Variants in ZFPM2 observed in about 807,000 individuals in gnomAD.
ZFPM2 encodes zinc finger protein ZFPM2.
A neutral mutation model predicts 98.6 loss-of-function variants in ZFPM2; 20 were observed. The ratio of observed to expected loss-of-function variants is 0.20; its 90% CI spans 0.14 to 0.29. The LOEUF is 0.29. Ranked by LOEUF, ZFPM2 falls within the 10% of genes least tolerant of loss-of-function variation. The pLI is 1.00. For missense variants in ZFPM2, 1,310 were observed against 1,388.6 expected (o/e 0.94, Z 0.90); for synonymous variants, 518 against 502.7 (o/e 1.03, Z -0.41).
intron 3 of ZFPM2, among the ~76,000 whole-genome samples, chr8:105,517,637 G>A (rs1813956131): frequency 6.7e-6 from 1 of 150,342 alleles, no homozygotes; most frequent in African/African-American, 2.5e-5. Context: ...ATCACTTCAG[G>A]GCAGGAGTTT....
chr8:105,330,583 T>TATATATATAC (rs1563606678), intron 1 of ZFPM2, among the ~76,000 whole-genome samples: 496 of 42,114 alleles, frequency 0.012, 3 homozygotes, highest in Non-Finnish European at 0.017. Context: ...TATATATACA[T>TATATATATAC]ATATATATAT....
intron 3 of ZFPM2, among the ~76,000 whole-genome samples, chr8:105,474,402 C>T (rs1812972860): frequency 1.3e-5 from 2 of 152,314 alleles, no homozygotes; most frequent in South Asian, 4.1e-4. Context: ...AGTGAATCCA[C>T]TGTGATTTAA....
intron 5 of ZFPM2, among the ~76,000 whole-genome samples, chr8:105,762,816 A>G (rs1812762319): frequency 6.6e-6 from 1 of 151,916 alleles, no homozygotes; most frequent in Non-Finnish European, 1.5e-5. Flanking sequence ...TACTGATAAC[A>G]CATGATATAA....
chr8:105,630,477 T>C (rs1816736980), intron 4 of ZFPM2, among the ~76,000 whole-genome samples: 1 of 152,224 alleles, frequency 6.6e-6, no homozygotes, highest in African/African-American at 2.4e-5. Flanking sequence ...TTATTTACTT[T>C]ACAGCTTGGG....
intron 5 of ZFPM2, among the ~76,000 whole-genome samples, chr8:105,656,984 CTCTT>C (rs1817298403): frequency 6.6e-6 from 1 of 152,126 alleles, no homozygotes; most frequent in Non-Finnish European, 1.5e-5. Flanking sequence ...TCTCTCTTCT[CTCTT>C]TCCCTTTTTT....
In ZFPM2 at chr8:105,791,879, G is replaced by C. The variant is rs556972458; in HGVS notation, c.739+2955G>C. Among the ~76,000 whole-genome samples the C allele has an allele frequency of 2.6e-5, 4 of 152,326 alleles. No homozygotes were observed. In the South Asian group the frequency reaches 8.3e-4, roughly 32 times the overall value. ...CTAGATTTTCTAGTTTATTTGCATA[G>C]AGGTGTTTGTAGTATTCTCTGATGG... On this transcript the variant is annotated intron_variant, in intron 6 of 7. Coordinates refer to ENST00000407775, the MANE Select transcript of ZFPM2 (RefSeq NM_012082.4).
intron 4 of ZFPM2, among the ~76,000 whole-genome samples, chr8:105,605,435 CAAATT>C (rs1180202153): frequency 6.6e-6 from 1 of 151,942 alleles, no homozygotes; most frequent in African/African-American, 2.4e-5. Context: ...TTGCTGTCAG[CAAATT>C]AAATTAGCAA....
At chr8:105,620,062 G>A (rs1275950304) in intron 4 of ZFPM2, among the ~76,000 whole-genome samples, 5 of 152,132 alleles carry the variant, frequency 3.3e-5, no homozygotes, top group African/African-American at 1.2e-4. Flanking sequence ...TGGGATGGCT[G>A]GGTCAAATGA....
chr8:105,762,580 A>G (rs1812756275), intron 5 of ZFPM2, among the ~76,000 whole-genome samples: 5 of 152,012 alleles, frequency 3.3e-5, no homozygotes, highest in South Asian at 4.1e-4. Flanking sequence ...AGAGACCAGT[A>G]TGTGCATCAA....
chr8:105,416,902 A>C (rs1811690284), intron 1 of ZFPM2, among the ~76,000 whole-genome samples: 1 of 152,128 alleles, frequency 6.6e-6, no homozygotes, highest in Non-Finnish European at 1.5e-5. Flanking sequence ...TGAATTGACC[A>C]TTTTCTAAGT....
intron 3 of ZFPM2, among the ~76,000 whole-genome samples, chr8:105,452,481 C>T (rs1812504123): frequency 6.6e-6 from 1 of 151,690 alleles, no homozygotes; most frequent in African/African-American, 2.4e-5. Flanking sequence ...GGCATGGTGT[C>T]TCATGCCTGT....
intron 3 of ZFPM2, among the ~76,000 whole-genome samples, chr8:105,507,251 G>T (rs1813723095): frequency 6.6e-6 from 1 of 152,196 alleles, no homozygotes; most frequent in South Asian, 2.1e-4. Context: ...TCTCAATGCT[G>T]CAGACCACAC....
intron 5 of ZFPM2, among the ~76,000 whole-genome samples, chr8:105,681,667 C>T (rs1194478137): frequency 6.6e-6 from 1 of 152,102 alleles, no homozygotes; most frequent in Non-Finnish European, 1.5e-5. Context: ...ATTCATGGTA[C>T]ACCAGGCATT....
intron 5 of ZFPM2, among the ~76,000 whole-genome samples, chr8:105,771,874 A>C (rs540618255): frequency 8.3e-4 from 127 of 152,258 alleles, no homozygotes; most frequent in Non-Finnish European, 1.3e-3. Flanking sequence ...ATGTTGACTG[A>C]GCACTTGTTT....
chr8:105,660,591 A>T (rs1460804225), intron 5 of ZFPM2, among the ~76,000 whole-genome samples: 22 of 152,238 alleles, frequency 1.4e-4, no homozygotes, highest in Non-Finnish European at 3.2e-4. Context: ...ATGTGCGTAT[A>T]TGAATATCTA....
intron 2 of ZFPM2, among the ~76,000 whole-genome samples, chr8:105,435,851 A>G (rs1812108953): frequency 6.6e-6 from 1 of 152,228 alleles, no homozygotes; most frequent in South Asian, 2.1e-4. Flanking sequence ...ATTTGATTAA[A>G]TTATTTGTAA....
At chr8:105,613,365 G>A (rs1257669290) in intron 4 of ZFPM2, among the ~76,000 whole-genome samples, 1 of 151,950 alleles carries the variant, frequency 6.6e-6, no homozygotes. Context: ...GAAAATATGA[G>A]TAATTACTAT....
At chr8:105,603,161 C>T (rs1816127187) in intron 4 of ZFPM2, among the ~76,000 whole-genome samples, 1 of 152,024 alleles carries the variant, frequency 6.6e-6, no homozygotes, top group Non-Finnish European at 1.5e-5. Context: ...GGATTCCATA[C>T]CAAAAGGTGC....
chr8:105,610,349 A>G (rs1364750325), intron 4 of ZFPM2, among the ~76,000 whole-genome samples: 3 of 152,184 alleles, frequency 2.0e-5, no homozygotes, highest in African/African-American at 4.8e-5. Context: ...ATTAAAAATG[A>G]TGTCACTGAT....
Sources: allele counts gnomAD v4.1 joint callset (sites outside exome capture counted in the v4.1 genomes callset), GRCh38; gene constraint gnomAD v4.1.1; transcripts MANE v1.5; gene names NCBI Gene and HGNC (gene_info 2026-07-23, HGNC 2026-07-21).